Variants in ENTREP2 observed in about 807,000 individuals in gnomAD.
ENTREP2 encodes endosomal transmembrane epsin interactor 2, also known as protein ENTREP2.
At chr15:29,329,669 T>C in the ENTREP2 span, among the ~76,000 whole-genome samples, 2 of 152,142 alleles carry the variant, frequency 1.3e-5, no homozygotes, top group Admixed American at 1.3e-4. Context: ...ACATACAAAA[T>C]GAGCCAGGAA....
chr15:29,193,169 G>A, the ENTREP2 span, among the ~76,000 whole-genome samples: 1 of 152,048 alleles, frequency 6.6e-6, no homozygotes, highest in Non-Finnish European at 1.5e-5. Context: ...TTTATTTTAG[G>A]TGTCAACTTG....
the ENTREP2 span, among the ~76,000 whole-genome samples, chr15:29,419,081 A>ATG: frequency 6.6e-6 from 1 of 152,238 alleles, no homozygotes; most frequent in African/African-American, 2.4e-5. Flanking sequence ...AAGGACAAAC[A>ATG]ACAGCAAGAC....
At chr15:29,412,573 CG>C in the ENTREP2 span, among the ~76,000 whole-genome samples, 43 of 152,076 alleles carry the variant, frequency 2.8e-4, 1 homozygote, top group East Asian at 1.2e-3. Context: ...AGTTCTGTTA[CG>C]TTTTTCTATA....
At chr15:29,245,164 G>A in the ENTREP2 span, among the ~76,000 whole-genome samples, 7 of 152,134 alleles carry the variant, frequency 4.6e-5, no homozygotes, top group African/African-American at 7.2e-5. Flanking sequence ...TACATGCGGC[G>A]AGTAGCCTCT....
At chr15:29,154,782 CCT>C in the ENTREP2 span, among the ~76,000 whole-genome samples, 1 of 152,184 alleles carries the variant, frequency 6.6e-6, no homozygotes, top group Non-Finnish European at 1.5e-5. Flanking sequence ...TGGACAATTC[CCT>C]GTTCTCCTAC....
the ENTREP2 span, among the ~76,000 whole-genome samples, chr15:29,205,334 C>T: frequency 6.6e-6 from 1 of 152,036 alleles, no homozygotes; most frequent in East Asian, 1.9e-4. Context: ...GGGTAAATTC[C>T]CAGAAGGGGA....
At chr15:29,163,853 G>C in the ENTREP2 span, among the ~76,000 whole-genome samples, 2 of 152,166 alleles carry the variant, frequency 1.3e-5, no homozygotes, top group Admixed American at 6.5e-5. Context: ...CATTGCCTAG[G>C]CATATTGTCA....
At chr15:29,483,372 G>A in the ENTREP2 span, among the ~76,000 whole-genome samples, 4 of 151,990 alleles carry the variant, frequency 2.6e-5, no homozygotes, top group African/African-American at 9.7e-5. Flanking sequence ...TTCATGTATT[G>A]TCCCTCTGGT....
At chr15:29,604,574 G>A in the ENTREP2 span, among the ~76,000 whole-genome samples, 1 of 151,950 alleles carries the variant, frequency 6.6e-6, no homozygotes, top group African/African-American at 2.4e-5. Context: ...TCTCACCCAA[G>A]GAATTATAAT....
At chr15:29,197,850 G>GTA in the ENTREP2 span, among the ~76,000 whole-genome samples, 2 of 151,824 alleles carry the variant, frequency 1.3e-5, no homozygotes, top group Non-Finnish European at 2.9e-5. Context: ...CTTAGACTAA[G>GTA]AAGTGCCCTG....
the ENTREP2 span, among the ~76,000 whole-genome samples, chr15:29,590,904 G>A: frequency 6.6e-6 from 1 of 152,052 alleles, no homozygotes; most frequent in Non-Finnish European, 1.5e-5. Context: ...TAATGCCCCA[G>A]GGGATCTATA....
chr15:29,146,067 C>T, the ENTREP2 span, among the ~76,000 whole-genome samples: 1 of 152,058 alleles, frequency 6.6e-6, no homozygotes, highest in Non-Finnish European at 1.5e-5. Context: ...ATGATAGCAT[C>T]AAGAAGAATA....
the ENTREP2 span, among the ~76,000 whole-genome samples, chr15:29,513,544 T>G: frequency 6.6e-6 from 1 of 152,178 alleles, no homozygotes; most frequent in African/African-American, 2.4e-5. Context: ...ATACCTGCCA[T>G]GATACAGGGG....
the ENTREP2 span, among the ~76,000 whole-genome samples, chr15:29,361,591 CCTT>C: frequency 5.9e-5 from 9 of 152,182 alleles, no homozygotes; most frequent in African/African-American, 1.4e-4. Flanking sequence ...CATATCTTAA[CCTT>C]CTTAGTTTCC....
the ENTREP2 span, among the ~76,000 whole-genome samples, chr15:29,280,884 T>G: frequency 1.3e-5 from 2 of 152,232 alleles, no homozygotes; most frequent in African/African-American, 4.8e-5. Flanking sequence ...AGTACTTTTT[T>G]TTTTAAGACT....
the ENTREP2 span, among the ~76,000 whole-genome samples, chr15:29,119,700 G>GCA: frequency 7.9e-6 from 1 of 127,060 alleles, no homozygotes; most frequent in Non-Finnish European, 1.6e-5. Flanking sequence ...AAAAAAGAAT[G>GCA]AAAAGCAAAT....
At chr15:29,444,323 A>G in the ENTREP2 span, among the ~76,000 whole-genome samples, 2 of 152,240 alleles carry the variant, frequency 1.3e-5, no homozygotes. Context: ...TCTACATTTT[A>G]TATAAGCAAG....
chr15:29,329,654 A>G, the ENTREP2 span, among the ~76,000 whole-genome samples: 2 of 152,354 alleles, frequency 1.3e-5, no homozygotes, highest in South Asian at 4.1e-4. Flanking sequence ...GGACTAGGGC[A>G]GGAAACATAC....
At chr15:29,543,325 T>C in the ENTREP2 span, among the ~76,000 whole-genome samples, 1 of 152,196 alleles carries the variant, frequency 6.6e-6, no homozygotes, top group Admixed American at 6.5e-5. Flanking sequence ...CATAGATGAC[T>C]ACCTCCATTC....
Sources: gnomAD v4.1 joint callset for allele counts (sites outside exome capture counted in the v4.1 genomes callset) on GRCh38, gnomAD v4.1.1 for gene constraint, MANE v1.5 for transcripts, NCBI Gene and HGNC (gene_info 2026-07-23, HGNC 2026-07-21) for gene names.